NTM: variants seen among roughly 807,000 people sequenced by gnomAD.
NTM encodes IgLON family member 2.
Under a neutral mutation model 42.1 loss-of-function variants are expected in NTM, and 13 were observed. The ratio of observed to expected loss-of-function variants is 0.31; its 90% CI spans 0.20 to 0.49. NTM has a LOEUF of 0.49. Among genes scored for constraint, NTM ranks in the 20% least tolerant of loss-of-function variants. NTM has a pLI of 0.99. For missense variants in NTM, 373 were observed against 452.8 expected (o/e 0.82, Z 1.60); for synonymous variants, 187 against 179.2 (o/e 1.04, Z -0.35).
intron 2 of NTM, among the ~76,000 whole-genome samples, chr11:131,977,252 G>A (rs781330703): frequency 1.8e-4 from 28 of 152,238 alleles, no homozygotes; most frequent in Non-Finnish European, 3.4e-4. Flanking sequence ...AAGCGACTAC[G>A]CGTAACAGTT....
chr11:131,444,124 GA>G (rs1949833415), intron 1 of NTM, among the ~76,000 whole-genome samples: 1 of 141,446 alleles, frequency 7.1e-6, no homozygotes, highest in Non-Finnish European at 1.5e-5. Flanking sequence ...GAATAGTTGA[GA>G]GTTGAGCTCA....
intron 4 of NTM, among the ~76,000 whole-genome samples, chr11:132,288,231 CA>C (rs1363309027): frequency 2.6e-5 from 4 of 152,092 alleles, no homozygotes; most frequent in African/African-American, 9.7e-5. Flanking sequence ...CCATGGAAGC[CA>C]AGACACGTGC....
intron 2 of NTM, among the ~76,000 whole-genome samples, chr11:131,991,644 CAG>C (rs1256725660): frequency 6.6e-6 from 1 of 152,142 alleles, no homozygotes; most frequent in African/African-American, 2.4e-5. Context: ...TTTTAGGACA[CAG>C]GGAAAGAGTG....
At chr11:132,041,082 A>C (rs546879090) in intron 2 of NTM, among the ~76,000 whole-genome samples, 68 of 152,292 alleles carry the variant, frequency 4.5e-4, no homozygotes, top group African/African-American at 1.6e-3. Context: ...AATACCCCAC[A>C]TTTAAAAAGA....
intron 4 of NTM, among the ~76,000 whole-genome samples, chr11:132,254,832 C>A (rs549562495): frequency 6.6e-6 from 1 of 152,128 alleles, no homozygotes; most frequent in Non-Finnish European, 1.5e-5. Context: ...TCATTCTTGG[C>A]GCCATTGATA....
intron 1 of NTM, among the ~76,000 whole-genome samples, chr11:131,802,661 G>A (rs1024451532): frequency 2.0e-5 from 3 of 152,264 alleles, no homozygotes; most frequent in Admixed American, 6.5e-5. Context: ...ATCAATGGTC[G>A]GTATGTGTGG....
chr11:131,523,619 A>G (rs2050045558), intron 1 of NTM, among the ~76,000 whole-genome samples: 1 of 151,926 alleles, frequency 6.6e-6, no homozygotes, highest in Non-Finnish European at 1.5e-5. Context: ...TGAAAACCCC[A>G]TCTCTACTAA....
intron 1 of NTM, among the ~76,000 whole-genome samples, chr11:131,715,166 A>G (rs1457570569): frequency 1.3e-5 from 2 of 152,212 alleles, no homozygotes; most frequent in Admixed American, 6.5e-5. Context: ...CTTAAACAAG[A>G]TGGAATTCTG....
intron 4 of NTM, among the ~76,000 whole-genome samples, chr11:132,255,814 TC>T (rs2092423148): frequency 6.6e-6 from 1 of 151,904 alleles, no homozygotes; most frequent in Admixed American, 6.6e-5. Flanking sequence ...CCAGTCAGCC[TC>T]CCCCTTCCCT....
chr11:131,443,551 G>A (rs1949788893), intron 1 of NTM, among the ~76,000 whole-genome samples: 1 of 152,190 alleles, frequency 6.6e-6, no homozygotes, highest in South Asian at 2.1e-4. Context: ...AGCCATCAGT[G>A]CACAGGTGGT....
In NTM at chr11:132,132,743, C is replaced by T. The variant is rs1470521724; in HGVS notation, c.168-13539C>T. On this transcript the variant is annotated intron_variant, in intron 2 of 8. Transcript: ENST00000683400. ...TGAAAACTGAGTCACAGAAAGACTA[C>T]GGACTCAGGCTTGTCGCAACACAAT... 3.9e-5 allele frequency among the ~76,000 whole-genome samples: 6 copies of T among 152,090 alleles called. No individual in the cohort carries two copies. The South Asian group carries it at 6.2e-4, about 16-fold the overall frequency.
intron 3 of NTM, among the ~76,000 whole-genome samples, chr11:132,191,731 C>G (rs1471815481): frequency 6.6e-6 from 1 of 151,866 alleles, no homozygotes; most frequent in Admixed American, 6.6e-5. Flanking sequence ...CCTGGAAGAT[C>G]AACAAGATAC....
At chr11:132,098,515 C>T (rs540568859) in intron 2 of NTM, among the ~76,000 whole-genome samples, 35 of 152,308 alleles carry the variant, frequency 2.3e-4, no homozygotes, top group Non-Finnish European at 3.7e-4. Flanking sequence ...GCTTGAATGA[C>T]GAGACTAATG....
intron 3 of NTM, among the ~76,000 whole-genome samples, chr11:132,203,618 G>A (rs780643872): frequency 3.4e-4 from 52 of 152,206 alleles, no homozygotes; most frequent in Admixed American, 4.6e-4. Context: ...AAAACACTGC[G>A]CGGTGGCACA....
intron 1 of NTM, among the ~76,000 whole-genome samples, chr11:131,832,020 A>G (rs2042881021): frequency 1.3e-5 from 2 of 149,958 alleles, no homozygotes; most frequent in South Asian, 4.2e-4. Context: ...TAAAATCAAT[A>G]TTAGTCCATT....
chr11:131,738,011 A>G (rs1218341951), intron 1 of NTM, among the ~76,000 whole-genome samples: 3 of 152,168 alleles, frequency 2.0e-5, no homozygotes, highest in Non-Finnish European at 4.4e-5. Flanking sequence ...CTGTAATTAC[A>G]CTGTAGATCA....
At chr11:132,096,033 G>A (rs978578621) in intron 2 of NTM, among the ~76,000 whole-genome samples, 3 of 152,150 alleles carry the variant, frequency 2.0e-5, no homozygotes, top group Non-Finnish European at 4.4e-5. Flanking sequence ...CTGCCCCCAG[G>A]CCCCATGATC....
At chr11:131,603,520 C>T (rs1438246568) in intron 1 of NTM, among the ~76,000 whole-genome samples, 2 of 152,066 alleles carry the variant, frequency 1.3e-5, no homozygotes, top group African/African-American at 4.8e-5. Flanking sequence ...AAAAAATCAG[C>T]TTGATTGAGA....
At chr11:131,534,175 C>G (rs1009268940) in intron 1 of NTM, 3 of 152,168 alleles carry the variant, frequency 2.0e-5, no homozygotes, top group African/African-American at 4.8e-5. Context: ...TTGGATGTTT[C>G]CCTGAATAAT....
Sources: allele counts gnomAD v4.1 joint callset (sites outside exome capture counted in the v4.1 genomes callset), GRCh38; gene constraint gnomAD v4.1.1; transcripts MANE v1.5; gene names NCBI Gene and HGNC (gene_info 2026-07-23, HGNC 2026-07-21).